The following JAK1 variants were observed in gnomAD, a reference collection of about 807,000 sequenced individuals.
JAK1 encodes the protein tyrosine-protein kinase JAK1.
A neutral mutation model predicts 136.6 loss-of-function variants in JAK1; 16 were observed. The observed-to-expected ratio is 0.12, with a 90% CI of 0.08 to 0.18. The LOEUF (loss-of-function observed/expected upper bound fraction) is 0.18. JAK1 is among the 10% of genes least tolerant of loss of function. JAK1 has a pLI of 1.00. For missense variants in JAK1, 859 were observed against 1,450.1 expected (o/e 0.59, Z 6.62); for synonymous variants, 492 against 519.5 (o/e 0.95, Z 0.72).
At chr1:64,944,050 G>A (rs1395649881) in intron 1 of JAK1, among the ~76,000 whole-genome samples, 10 of 151,586 alleles carry the variant, frequency 6.6e-5, no homozygotes, top group African/African-American at 9.7e-5. Context: ...GTGAAATCCC[G>A]TCTCTACTAA....
intron 1 of JAK1, among the ~76,000 whole-genome samples, chr1:64,925,723 G>A (rs1645572385): frequency 6.6e-6 from 1 of 152,172 alleles, no homozygotes; most frequent in Non-Finnish European, 1.5e-5. Context: ...ATAGTGTCAT[G>A]CACTTATTTG....
At chr1:65,058,044 G>GT (rs1205920201) in intron 1 of JAK1, among the ~76,000 whole-genome samples, 2 of 151,246 alleles carry the variant, frequency 1.3e-5, no homozygotes, top group African/African-American at 4.9e-5. Flanking sequence ...TTTTCTCCCT[G>GT]TAAGTAGAAT....
chr1:64,970,331 C>T (rs1417701396), upstream of JAK1, among the ~76,000 whole-genome samples: 2 of 151,470 alleles, frequency 1.3e-5, no homozygotes, highest in African/African-American at 4.9e-5. Context: ...ATTCCAGCTT[C>T]TCGGGAGGCT....
At chr1:64,920,811 G>A (rs1645481801) in intron 1 of JAK1, among the ~76,000 whole-genome samples, 1 of 152,120 alleles carries the variant, frequency 6.6e-6, no homozygotes, top group Non-Finnish European at 1.5e-5. Context: ...TAGGGTTATA[G>A]GAGTCCATAT....
intron 20 of JAK1, among the ~76,000 whole-genome samples, chr1:64,839,059 T>A (rs1173413067): frequency 2.2e-5 from 3 of 139,162 alleles, no homozygotes; most frequent in East Asian, 4.2e-4. Flanking sequence ...GGCAGGAGAA[T>A]GGCGTGAACC....
At chr1:64,998,238 T>C (rs748321512) in intron 2 of JAK1, among the ~76,000 whole-genome samples, 52 of 152,166 alleles carry the variant, frequency 3.4e-4, no homozygotes, top group Non-Finnish European at 4.7e-4. Flanking sequence ...TCCAAAGAGA[T>C]AGAGAAAATG....
At chr1:65,001,176 T>A (rs891743129) in intron 2 of JAK1, among the ~76,000 whole-genome samples, 1 of 152,242 alleles carries the variant, frequency 6.6e-6, no homozygotes, top group African/African-American at 2.4e-5. Flanking sequence ...CTCATCATGT[T>A]AGAAAACTTT....
chr1:64,901,482 A>C (rs1044458085), intron 1 of JAK1, among the ~76,000 whole-genome samples: 5 of 152,158 alleles, frequency 3.3e-5, no homozygotes, highest in Non-Finnish European at 5.9e-5. Context: ...GTAGGCCTGG[A>C]AAGATAAAGA....
At chr1:65,022,520 G>A (rs146484668) in intron 2 of JAK1, among the ~76,000 whole-genome samples, 3 of 152,278 alleles carry the variant, frequency 2.0e-5, no homozygotes, top group Non-Finnish European at 2.9e-5. Context: ...AGTAAGTGAT[G>A]AGGCATAAGG....
At chr1:64,993,573 C>A (rs2100730186) in intron 2 of JAK1, 1 of 152,170 alleles carries the variant, frequency 6.6e-6, no homozygotes, top group East Asian at 1.9e-4. Flanking sequence ...TGTCTACAGT[C>A]CTGTAATCCT....
chr1:65,018,880 G>C lies in JAK1; in HGVS notation c.-78+25600C>G, dbSNP rs888398708. On this transcript the variant is annotated intron_variant, in intron 2 of 25. Transcript: ENST00000671954. Reference sequence around the variant, plus strand: ...GAAAAAATTAGCCGGGCGTGGTGGCGGGCGCCTGTAGTCCCAGCTACTCGG... The same window carrying C: ...GAAAAAATTAGCCGGGCGTGGTGGCCGGCGCCTGTAGTCCCAGCTACTCGG... Among the ~76,000 whole-genome samples the C allele has an allele frequency of 8.5e-5, 13 of 152,094 alleles. No individual in the cohort carries two copies. In the South Asian group the frequency reaches 2.7e-3, roughly 32 times the overall value.
intron 2 of JAK1, among the ~76,000 whole-genome samples, chr1:65,033,758 A>G (rs1647046351): frequency 6.7e-6 from 1 of 150,266 alleles, no homozygotes; most frequent in Non-Finnish European, 1.5e-5. Flanking sequence ...ACACTTCCGT[A>G]TAGTATGTAG....
chr1:64,846,551 G>T, intron 14 of JAK1, 98 bp downstream of exon 14: 1 of 843,100 alleles, frequency 1.2e-6, no homozygotes, highest in South Asian at 1.5e-5. Context: ...AAGGCAAGAA[G>T]CCTGGGCAAC....
chr1:65,035,155 A>G (rs890273891), intron 2 of JAK1, among the ~76,000 whole-genome samples: 1 of 152,190 alleles, frequency 6.6e-6, no homozygotes, highest in African/African-American at 2.4e-5. Context: ...TCTCGAGGTA[A>G]AGATTAAGAG....
intron 2 of JAK1, among the ~76,000 whole-genome samples, chr1:65,039,751 T>C (rs946245213): frequency 3.3e-5 from 5 of 152,234 alleles, no homozygotes; most frequent in African/African-American, 1.2e-4. Flanking sequence ...ACTGAGCTTC[T>C]CCGACACAGC....
At chr1:65,064,044 CT>C (rs971324363) in intron 1 of JAK1, among the ~76,000 whole-genome samples, 15 of 152,038 alleles carry the variant, frequency 9.9e-5, no homozygotes, top group Non-Finnish European at 4.4e-5. Flanking sequence ...GGCTATTCTA[CT>C]TTTTTTGCAT....
In JAK1 at chr1:64,844,885, T is replaced by A; in HGVS notation, c.2120A>T (p.Asp707Val). 1 of 1,614,204 alleles carries A rather than the reference T, an allele frequency of 6.2e-7. No homozygotes were observed. Among genetic ancestry groups the A allele is most frequent in the Non-Finnish European group, 8.5e-7 (1 of 1,180,028 alleles). The change falls in exon 16 of 25, where the codon GAT becomes GTT. Residue 707 changes from aspartate (D) to valine (V), a missense_variant. Physicochemically the swap from Asp to Val is radical, Grantham distance 152. Transcript: ENST00000342505. This position sits in a 1 kb window ranked among gnomAD's most constrained non-coding sequence, Gnocchi z 5.7. The part of the protein sequence containing the change: ...QLASALSYLE[D>V]KDLVHGNVCT... ...CACATTTCCATGGACCAGGTCTTTA[T>A]CCTCCTGCAGAGTAAAAAGGTCAAG...
At chr1:64,843,416 G>A (rs1174831583) in intron 17 of JAK1, among the ~76,000 whole-genome samples, 4 of 152,142 alleles carry the variant, frequency 2.6e-5, no homozygotes, top group African/African-American at 7.2e-5. Context: ...AGGTAGATTT[G>A]GAGGAGGTCC....
chr1:64,940,004 G>A (rs1165640695), intron 1 of JAK1, among the ~76,000 whole-genome samples: 1 of 152,026 alleles, frequency 6.6e-6, no homozygotes, highest in Non-Finnish European at 1.5e-5. Context: ...AAATATTCAC[G>A]AACATTACAT....
Sources: gnomAD v4.1 joint callset for allele counts (sites outside exome capture counted in the v4.1 genomes callset) on GRCh38, gnomAD v4.1.1 for gene constraint, Gnocchi (gnomAD v3.1) non-coding constraint, MANE v1.5 for transcripts, NCBI Gene and HGNC (gene_info 2026-07-23, HGNC 2026-07-21) for gene names.